Variants in TMEM45A observed in about 807,000 individuals in gnomAD.
TMEM45A encodes transmembrane protein 45A.
Under a neutral mutation model 32.0 loss-of-function variants are expected in TMEM45A, and 25 were observed. The ratio of observed to expected loss-of-function variants is 0.78; its 90% confidence interval spans 0.57 to 1.09. The LOEUF (loss-of-function observed/expected upper bound fraction) is 1.09, where lower values mean the gene tolerates loss of function less well. Among genes scored for constraint, TMEM45A ranks in the 50% least tolerant of loss-of-function variants. The probability of loss-of-function intolerance (pLI) is 0.00; values close to 1 mark genes in which losing one functional copy is unlikely to be tolerated. For missense variants in TMEM45A, 302 were observed against 325.0 expected (o/e 0.93, Z 0.54); for synonymous variants, 122 against 114.8 (o/e 1.06, Z -0.40).
chr3:100,517,057 C>T (rs1316215222), intron 1 of TMEM45A, among the ~76,000 whole-genome samples: 1 of 152,130 alleles, frequency 6.6e-6, no homozygotes, highest in Admixed American at 6.5e-5. Context: ...CATGTGTTCT[C>T]AATCACTGAT....
chr3:100,538,951 G>A (rs969266101), intron 1 of TMEM45A, among the ~76,000 whole-genome samples: 2 of 151,994 alleles, frequency 1.3e-5, no homozygotes, highest in Admixed American at 1.3e-4. Flanking sequence ...AAAAATCAAA[G>A]ATCTAAATAA....
chr3:100,576,233 G>A (rs995702219), intron 5 of TMEM45A, among the ~76,000 whole-genome samples: 1 of 152,224 alleles, frequency 6.6e-6, no homozygotes, highest in East Asian at 1.9e-4. Context: ...GGTGGATCAC[G>A]AGGTCAGGAG....
chr3:100,493,592 C>T (rs1417876682), intron 1 of TMEM45A, among the ~76,000 whole-genome samples: 9 of 151,252 alleles, frequency 6.0e-5, no homozygotes, highest in Non-Finnish European at 1.2e-4. Context: ...TATATATATA[C>T]TATATAGTAT....
At position 100,558,460 on chromosome 3, in the gene TMEM45A, C is replaced by T. The variant is rs1222062011; in HGVS notation, c.459C>T (p.His153=). Residue 153 remains histidine (H), a synonymous_variant, in exon 4 of 6, where the codon CAC becomes CAT. Coordinates refer to ENST00000323523, the MANE Select transcript of TMEM45A (RefSeq NM_018004.3). ...GGGAAATGCTGGACATCTTTGTGCA[C>T]CAGCTGCTGGTTTTGGTCGTCTTTC... ...HGREMLDIFV[H]QLLVLVVFLT... 6.2e-7 allele frequency: 1 copy of T among 1,614,100 alleles called. No individual in the cohort carries two copies.
chr3:100,567,518 C>CA (rs780009246), intron 4 of TMEM45A, among the ~76,000 whole-genome samples: 2,035 of 62,796 alleles, frequency 0.032, 131 homozygotes, highest in African/African-American at 0.079. Context: ...ACCATTTCTG[C>CA]AAAAAAAAAA....
chr3:100,552,458 G>A (rs766978631), intron 1 of TMEM45A, among the ~76,000 whole-genome samples: 7 of 152,218 alleles, frequency 4.6e-5, no homozygotes, highest in Non-Finnish European at 7.3e-5. Flanking sequence ...CCTACCCCTA[G>A]AGGGGATCAA....
At position 100,561,011 on chromosome 3, in the gene TMEM45A, A is replaced by G. The variant is rs142580101; in HGVS notation, c.588+2422A>G. ...TATTTAGAAAATTTTTCATCTACCA[A>G]TATGTCTAGACTAGACTGTTTCCTT... is the stretch of plus-strand genomic sequence containing the variant. On this transcript the variant is annotated intron_variant, in intron 4 of 5. Transcript: ENST00000323523. Among the ~76,000 whole-genome samples, 62 of 152,300 alleles carry G rather than the reference A, an allele frequency of 4.1e-4. No individual in the cohort carries two copies. In the Middle Eastern group the frequency reaches 0.01, roughly 25 times the overall value.
chr3:100,541,385 TCA>T (rs766605290), intron 1 of TMEM45A, among the ~76,000 whole-genome samples: 1 of 152,176 alleles, frequency 6.6e-6, no homozygotes, highest in Non-Finnish European at 1.5e-5. Flanking sequence ...GGGGACTTAG[TCA>T]AAAATCCTTT....
chr3:100,550,195 T>TAAA (rs768800338), intron 1 of TMEM45A, among the ~76,000 whole-genome samples: 51 of 133,414 alleles, frequency 3.8e-4, no homozygotes, highest in African/African-American at 1.3e-3. Flanking sequence ...TAAAGCATAA[T>TAAA]AAAAAAAAAA....
Position 100,558,412 on chromosome 3 carries a change from C to G in TMEM45A, c.411C>G (p.Ile137Met), listed in dbSNP as rs1706265092. The change falls in exon 4 of 6, where the codon ATC (isoleucine) becomes ATG (methionine). Residue 137 changes from isoleucine (I) to methionine (M), a missense_variant. Coordinates refer to ENST00000323523, the MANE Select transcript of TMEM45A (RefSeq NM_018004.3). ...LSNALFVEAF[I>M]FYNHTHGREM... Reference sequence around the variant, plus strand: ...CTGTTTTTTCCCCATCAGCCTTTATCTTCTACAACCACACTCATGGCCGGG... The same window carrying G: ...CTGTTTTTTCCCCATCAGCCTTTATGTTCTACAACCACACTCATGGCCGGG... 3 of 1,613,222 alleles carry G rather than the reference C, an allele frequency of 1.9e-6. No individual in the cohort carries two copies. The highest frequency in any genetic ancestry group is 1.3e-5 in the African/African-American group (1 of 75,016).
chr3:100,525,915 A>T (rs1705534805), intron 1 of TMEM45A, among the ~76,000 whole-genome samples: 1 of 152,160 alleles, frequency 6.6e-6, no homozygotes, highest in Non-Finnish European at 1.5e-5. Context: ...CACTGACCAC[A>T]GTCCTGCCCT....
At chr3:100,563,429 A>G (rs1035824111) in intron 4 of TMEM45A, among the ~76,000 whole-genome samples, 7 of 152,204 alleles carry the variant, frequency 4.6e-5, no homozygotes, top group African/African-American at 1.4e-4. Context: ...TACAAATGCT[A>G]ACTCTTATCT....
chr3:100,523,317 G>C (rs971278830), intron 1 of TMEM45A, among the ~76,000 whole-genome samples: 1 of 152,208 alleles, frequency 6.6e-6, no homozygotes, highest in Non-Finnish European at 1.5e-5. Flanking sequence ...CCTTATGACT[G>C]TGTGGTACCA....
chr3:100,514,464 C>G (rs201046612), intron 1 of TMEM45A, among the ~76,000 whole-genome samples: 29,561 of 151,708 alleles, frequency 0.19, 3,058 homozygotes, highest in Admixed American at 0.28. Flanking sequence ...ACACCTTATA[C>G]AAAAATTAAT....
intron 4 of TMEM45A, among the ~76,000 whole-genome samples, chr3:100,560,717 G>A (rs551980936): frequency 1.1e-4 from 17 of 152,174 alleles, no homozygotes; most frequent in South Asian, 2.1e-4. Context: ...GTTAAAAAGC[G>A]AAATATTCAA....
intron 4 of TMEM45A, among the ~76,000 whole-genome samples, chr3:100,564,117 A>G (rs1375975177): frequency 6.6e-6 from 1 of 152,236 alleles, no homozygotes; most frequent in African/African-American, 2.4e-5. Context: ...CAATAACTGT[A>G]TTCTGTGTCC....
chr3:100,560,388 G>C (rs1014598108), intron 4 of TMEM45A, among the ~76,000 whole-genome samples: 9 of 151,918 alleles, frequency 5.9e-5, no homozygotes, highest in Middle Eastern at 3.4e-3. Flanking sequence ...GATTTGATGT[G>C]TTAGTTTGTA....
chr3:100,568,726 C>T (rs1706494209), intron 4 of TMEM45A, 96 bp from the exon 5 acceptor site: 3 of 1,166,352 alleles, frequency 2.6e-6, no homozygotes, highest in East Asian at 2.4e-5. Context: ...TTGGAGTTAA[C>T]TTAGTTATTT....
At chr3:100,575,621 C>A (rs370361818) in intron 5 of TMEM45A, among the ~76,000 whole-genome samples, 6 of 152,194 alleles carry the variant, frequency 3.9e-5, no homozygotes, top group African/African-American at 1.4e-4. Flanking sequence ...ATCTGCCCGC[C>A]TTGCCTCCCA....
Sources: allele counts gnomAD v4.1 joint callset (sites outside exome capture counted in the v4.1 genomes callset), GRCh38; gene constraint gnomAD v4.1.1; transcripts MANE v1.5; gene names NCBI Gene and HGNC (gene_info 2026-07-23, HGNC 2026-07-21).